Variants in TEAD1 observed in about 807,000 individuals in gnomAD.
The protein encoded by TEAD1 is transcriptional enhancer factor TEF-1.
TEAD1 carries 9 observed loss-of-function variants against 54.9 expected under a neutral mutation model. The ratio of observed to expected loss-of-function variants is 0.16; its 90% confidence interval spans 0.10 to 0.29. The LOEUF (loss-of-function observed/expected upper bound fraction) is 0.29, where lower values mean the gene tolerates loss of function less well. TEAD1 is among the 10% of genes least tolerant of loss of function. TEAD1 has a pLI of 1.00. For missense variants in TEAD1, 387 were observed against 535.9 expected, an observed-to-expected ratio of 0.72 and a Z score of 2.74; for synonymous variants, 200 against 187.8, an observed-to-expected ratio of 1.07 and a Z score of -0.53.
At chr11:12,751,343 C>G (rs1008624013) in intron 2 of TEAD1, among the ~76,000 whole-genome samples, 3 of 150,528 alleles carry the variant, frequency 2.0e-5, no homozygotes, top group African/African-American at 4.9e-5. Flanking sequence ...CCTTAAAGAT[C>G]TCACAAATCC....
intron 3 of TEAD1, among the ~76,000 whole-genome samples, chr11:12,833,990 T>TA (rs1162961616): frequency 6.6e-6 from 1 of 152,180 alleles, no homozygotes. Flanking sequence ...TGTAAGGACT[T>TA]AATAAATGTT....
At chr11:12,757,931 C>T (rs1334263196) in intron 2 of TEAD1, among the ~76,000 whole-genome samples, 1 of 152,042 alleles carries the variant, frequency 6.6e-6, no homozygotes, top group Non-Finnish European at 1.5e-5. Context: ...AGGCGCCTGC[C>T]ACCACGCCTG....
intron 3 of TEAD1, among the ~76,000 whole-genome samples, chr11:12,848,189 G>A (rs1418381254): frequency 6.6e-6 from 1 of 152,138 alleles, no homozygotes; most frequent in Admixed American, 6.5e-5. Context: ...ACTCCTTGAG[G>A]GCAGAGAGTG....
intron 3 of TEAD1, among the ~76,000 whole-genome samples, chr11:12,848,116 A>T (rs73427626): frequency 6.6e-6 from 1 of 152,132 alleles, no homozygotes; most frequent in Non-Finnish European, 1.5e-5. Flanking sequence ...CTATCCATCT[A>T]ATCGTTCCGT....
At chr11:12,769,990 A>G (rs1354696144) in intron 3 of TEAD1, among the ~76,000 whole-genome samples, 1 of 152,148 alleles carries the variant, frequency 6.6e-6, no homozygotes, top group Non-Finnish European at 1.5e-5. Context: ...AAAAGAAGGA[A>G]AAAAAGAGGA....
chr11:12,814,214 G>C (rs1256272151), intron 3 of TEAD1, among the ~76,000 whole-genome samples: 1 of 152,196 alleles, frequency 6.6e-6, no homozygotes, highest in East Asian at 1.9e-4. Context: ...CGAGGCCAGA[G>C]ACCACGCTCA....
intron 3 of TEAD1, among the ~76,000 whole-genome samples, chr11:12,858,798 C>T (rs979557471): frequency 6.6e-6 from 1 of 152,162 alleles, no homozygotes; most frequent in East Asian, 1.9e-4. Flanking sequence ...TTAGAAGTCA[C>T]TGAACAACAG....
chr11:12,888,301 A>C (rs934926127), intron 9 of TEAD1, among the ~76,000 whole-genome samples: 1 of 152,166 alleles, frequency 6.6e-6, no homozygotes, highest in Admixed American at 6.5e-5. Context: ...TTGAGGCCAG[A>C]AGTTTAAGAC....
intron 3 of TEAD1, among the ~76,000 whole-genome samples, chr11:12,836,843 A>G (rs911145065): frequency 1.3e-5 from 2 of 152,178 alleles, no homozygotes; most frequent in African/African-American, 2.4e-5. Context: ...TCGGAGAGTA[A>G]TGGTACATTT....
At chr11:12,757,240 C>T (rs1467667929) in intron 2 of TEAD1, among the ~76,000 whole-genome samples, 1 of 152,176 alleles carries the variant, frequency 6.6e-6, no homozygotes, top group Non-Finnish European at 1.5e-5. Flanking sequence ...TACCATTTGT[C>T]ACCTCTTCGA....
intron 2 of TEAD1, among the ~76,000 whole-genome samples, chr11:12,736,359 A>G (rs1944531247): frequency 6.6e-6 from 1 of 152,228 alleles, no homozygotes; most frequent in Non-Finnish European, 1.5e-5. Context: ...AGGTTTGTAC[A>G]GTAGTGGTGT....
At chr11:12,850,442 G>A (rs1947251508) in intron 3 of TEAD1, among the ~76,000 whole-genome samples, 1 of 152,138 alleles carries the variant, frequency 6.6e-6, no homozygotes, top group South Asian at 2.1e-4. Flanking sequence ...ATCTCAAAAA[G>A]AGTTGAAGGA....
At chr11:12,677,091 G>A (rs1006297363) in intron 2 of TEAD1, among the ~76,000 whole-genome samples, 4 of 152,060 alleles carry the variant, frequency 2.6e-5, no homozygotes, top group African/African-American at 9.7e-5. Flanking sequence ...TCCTCTGTGT[G>A]ATCCTTTATA....
At chr11:12,721,317 C>G (rs1055020690) in intron 2 of TEAD1, among the ~76,000 whole-genome samples, 5 of 152,120 alleles carry the variant, frequency 3.3e-5, no homozygotes, top group African/African-American at 1.2e-4. Context: ...TTCAGGAGCA[C>G]CACATTTTTT....
chr11:12,910,876 A>T (rs1459983894), intron 10 of TEAD1, among the ~76,000 whole-genome samples: 1 of 150,630 alleles, frequency 6.6e-6, no homozygotes, highest in Non-Finnish European at 1.5e-5. Flanking sequence ...CCTCCCGAGT[A>T]GCTGGGATTA....
chr11:12,812,213 T>A (rs1946317161), intron 3 of TEAD1, among the ~76,000 whole-genome samples: 1 of 152,082 alleles, frequency 6.6e-6, no homozygotes, highest in Admixed American at 6.6e-5. Context: ...TTTATAGAGA[T>A]GGTAGGGGAA....
At chr11:12,909,753 C>T (rs981431822) in intron 10 of TEAD1, among the ~76,000 whole-genome samples, 11 of 152,186 alleles carry the variant, frequency 7.2e-5, no homozygotes, top group Non-Finnish European at 5.9e-5. Context: ...TTGCCATTCC[C>T]TGGACACCTT....
At chr11:12,776,980 A>T (rs570614480) in intron 3 of TEAD1, among the ~76,000 whole-genome samples, 77 of 151,742 alleles carry the variant, frequency 5.1e-4, no homozygotes, top group Non-Finnish European at 9.4e-4. Context: ...TTTAGTAGAG[A>T]TGGGGTTTCA....
chr11:12,878,895 A>G (rs1265793196), intron 5 of TEAD1: 1 of 1,286,882 alleles, frequency 7.8e-7, no homozygotes, highest in Non-Finnish European at 1.0e-6. Flanking sequence ...CCAGGTAACA[A>G]GCATGGTAAG....
Sources: gnomAD v4.1 joint callset for allele counts (sites outside exome capture counted in the v4.1 genomes callset) on GRCh38, gnomAD v4.1.1 for gene constraint, MANE v1.5 for transcripts, NCBI Gene and HGNC (gene_info 2026-07-23, HGNC 2026-07-21) for gene names.